The following GPHN variants were observed in gnomAD, a reference collection of about 807,000 sequenced individuals.
GPHN encodes gephyrin.
A neutral mutation model predicts 95.5 loss-of-function variants in GPHN; 17 were observed. The observed-to-expected ratio is 0.18, with a 90% confidence interval of 0.12 to 0.27. The LOEUF is 0.27. Ranked by LOEUF, GPHN falls within the 10% of genes least tolerant of loss-of-function variation. The pLI is 1.00. For synonymous variants in GPHN, 320 were observed against 322.5 expected (o/e 0.99, Z 0.08); for missense variants, 660 against 978.1 (o/e 0.67, Z 4.34).
At chr14:67,280,222 C>A in the GPHN span, among the ~76,000 whole-genome samples, 4 of 152,196 alleles carry the variant, frequency 2.6e-5, no homozygotes. Context: ...AGATTGATAT[C>A]AAATGCATGT....
chr14:66,799,989 TG>T lies in GPHN; in HGVS notation c.201+23469del, dbSNP rs1943693497. 2.0e-5 allele frequency among the ~76,000 whole-genome samples: 3 copies of T among 152,170 alleles called. No homozygotes were observed. The South Asian group carries it at 6.2e-4, about 32-fold the overall frequency. The stretch of plus-strand genomic sequence containing the variant: ...TATGTTTTTTGGTTTGATATTACCA[TG>T]AAGCTTGCAAATACTATCTTATAAC... On this transcript the variant is annotated intron_variant, in intron 3 of 22. Transcript: ENST00000478722.
At chr14:66,621,828 C>T (rs993300881) in intron 1 of GPHN, among the ~76,000 whole-genome samples, 2 of 152,304 alleles carry the variant, frequency 1.3e-5, no homozygotes, top group African/African-American at 4.8e-5. Context: ...CAGCTCCACC[C>T]CTGTGTCTCT....
chr14:67,312,611 GGTGATATACTTCAT>G, the GPHN span: 2 of 1,613,766 alleles, frequency 1.2e-6, no homozygotes, highest in Non-Finnish European at 1.7e-6. Flanking sequence ...TTTTCAAAAA[GGTGATATACTTCAT>G]GTGATCAGTC....
chr14:67,698,594 A>G, the GPHN span, among the ~76,000 whole-genome samples: 1 of 152,242 alleles, frequency 6.6e-6, no homozygotes, highest in Non-Finnish European at 1.5e-5. Flanking sequence ...GAAGTGAGAA[A>G]CTACACAACA....
the GPHN span, chr14:67,203,420 T>G: frequency 9.8e-4 from 717 of 731,370 alleles, 2 homozygotes; most frequent in Non-Finnish European, 1.2e-3. Context: ...CTGCTGCAAA[T>G]GACAAAGAGG....
At chr14:67,392,666 G>C in the GPHN span, 2 of 1,609,982 alleles carry the variant, frequency 1.2e-6, no homozygotes, top group Non-Finnish European at 8.5e-7. Context: ...ACTTACAAAA[G>C]TGTACAGGGC....
the GPHN span, chr14:67,411,904 T>A: frequency 1.0e-6 from 1 of 963,042 alleles, no homozygotes; most frequent in Non-Finnish European, 1.5e-6. Flanking sequence ...CCATGGGGGT[T>A]GGGGATGGGA....
chr14:66,617,742 T>G (rs1259304296), intron 1 of GPHN, among the ~76,000 whole-genome samples: 2 of 151,636 alleles, frequency 1.3e-5, no homozygotes, highest in East Asian at 3.8e-4. Flanking sequence ...ATTTTATTAT[T>G]TTTTTAATTA....
chr14:66,609,667 G>T (rs754989715), intron 1 of GPHN, among the ~76,000 whole-genome samples: 3 of 151,790 alleles, frequency 2.0e-5, no homozygotes, highest in Non-Finnish European at 4.4e-5. Flanking sequence ...AAGTTGAATT[G>T]AAAGAACTAA....
the GPHN span, among the ~76,000 whole-genome samples, chr14:67,277,650 A>G: frequency 3.9e-5 from 6 of 152,224 alleles, no homozygotes; most frequent in African/African-American, 1.4e-4. Flanking sequence ...ACATATGTAA[A>G]CAACCTGCCT....
intron 4 of GPHN, among the ~76,000 whole-genome samples, chr14:66,844,116 C>G (rs959653195): frequency 6.6e-6 from 1 of 152,050 alleles, no homozygotes; most frequent in Non-Finnish European, 1.5e-5. Flanking sequence ...AAGTAGCTTT[C>G]TGCTCTGCTC....
intron 2 of GPHN, among the ~76,000 whole-genome samples, chr14:66,759,925 A>T (rs533064198): frequency 2.1e-4 from 32 of 152,214 alleles, no homozygotes; most frequent in Middle Eastern, 3.2e-3. Context: ...GTATATTTTT[A>T]GAATAGATTT....
intron 1 of GPHN, among the ~76,000 whole-genome samples, chr14:66,546,989 C>T (rs993563737): frequency 3.9e-5 from 6 of 151,992 alleles, no homozygotes; most frequent in Admixed American, 3.9e-4. Context: ...TTCTTAATTA[C>T]TTGGGATATC....
the GPHN span, chr14:67,208,281 A>T: frequency 6.2e-7 from 1 of 1,614,046 alleles, no homozygotes. Flanking sequence ...TCCTCAAAAC[A>T]TGTCACCATC....
chr14:66,511,951 G>A (rs1421540943), intron 1 of GPHN, among the ~76,000 whole-genome samples: 2 of 151,848 alleles, frequency 1.3e-5, no homozygotes, highest in East Asian at 1.9e-4. Context: ...AACTTTGTTC[G>A]AAACTGTCTT....
At chr14:67,412,529 TG>T in the GPHN span, among the ~76,000 whole-genome samples, 18 of 152,238 alleles carry the variant, frequency 1.2e-4, no homozygotes, top group Admixed American at 1.0e-3. Flanking sequence ...GAAACTGGTA[TG>T]GGAATTTTAT....
At chr14:66,521,035 ATT>A (rs950447418) in intron 1 of GPHN, among the ~76,000 whole-genome samples, 1 of 151,840 alleles carries the variant, frequency 6.6e-6, no homozygotes, top group African/African-American at 2.4e-5. Context: ...ACATGATCTC[ATT>A]TTTTTTATGG....
chr14:67,223,784 T>A, the GPHN span: 24 of 985,590 alleles, frequency 2.4e-5, no homozygotes, highest in South Asian at 1.1e-3. Context: ...TTCCCCTGAT[T>A]AGCATTTCTT....
chr14:67,607,345 T>C, the GPHN span, among the ~76,000 whole-genome samples: 2 of 152,136 alleles, frequency 1.3e-5, no homozygotes, highest in African/African-American at 4.8e-5. Context: ...AAGGAGAACA[T>C]GAACATGAGC....
Sources: gnomAD v4.1 joint callset for allele counts (sites outside exome capture counted in the v4.1 genomes callset) on GRCh38, gnomAD v4.1.1 for gene constraint, MANE v1.5 for transcripts, NCBI Gene and HGNC (gene_info 2026-07-23, HGNC 2026-07-21) for gene names.